Variants in NFASC observed in about 807,000 individuals in gnomAD.
NFASC encodes the protein neurofascin.
A neutral mutation model predicts 147.5 loss-of-function variants in NFASC; 43 were observed. The ratio of observed to expected loss-of-function variants is 0.29; its 90% CI spans 0.23 to 0.38. The LOEUF is 0.38. Ranked by LOEUF, NFASC falls within the 10% of genes least tolerant of loss-of-function variation. The pLI, the probability that NFASC is intolerant of heterozygous loss-of-function variation, is 1.00. For missense variants in NFASC, 1,320 were observed against 1,689.0 expected (o/e 0.78, Z 3.83); for synonymous variants, 622 against 665.5 (o/e 0.93, Z 1.01).
chr1:204,950,777 G>T (rs531467306), intron 4 of NFASC, among the ~76,000 whole-genome samples: 1 of 152,146 alleles, frequency 6.6e-6, no homozygotes, highest in Non-Finnish European at 1.5e-5. Context: ...AGAAGGGCAC[G>T]TGGTAAGAAG....
chr1:204,838,418 A>G (rs1021971830), intron 1 of NFASC, among the ~76,000 whole-genome samples: 1 of 152,174 alleles, frequency 6.6e-6, no homozygotes, highest in African/African-American at 2.4e-5. Flanking sequence ...AGAAAGCCCC[A>G]TGCTGAATCC....
rs377168431 is a variant in NFASC at position 204,970,596 on chromosome 1, G to A, written c.1004-20G>A. On this transcript the variant is annotated intron_variant, in intron 10 of 29. Transcript: ENST00000339876. ...CCCATGCCATCTAACTCCCCTGCCTGTGTCTGTCTTGTCTTCCAGCTGCTC... is the reference window on the plus strand; with the variant it reads ...CCCATGCCATCTAACTCCCCTGCCTATGTCTGTCTTGTCTTCCAGCTGCTC... The A allele has an allele frequency of 6.2e-7, 1 of 1,613,362 alleles. No homozygotes were observed. Among genetic ancestry groups the A allele is most frequent in the Non-Finnish European group, 8.5e-7 (1 of 1,179,998 alleles).
rs1429246599 is a variant in NFASC, at chr1:204,978,994, G to C, written c.1903G>C (p.Glu635Gln). 6.4e-7 allele frequency: 1 copy of C among 1,560,948 alleles called. No individual in the cohort carries two copies. The highest frequency in any genetic ancestry group is 2.4e-5 in the East Asian group (1 of 41,788). ...ACGGCCAGACCGGCCCCGGGACCTGGAGCTGACCGACCTGGCCGAGAGGAG... is the reference window on the plus strand; with the variant it reads ...ACGGCCAGACCGGCCCCGGGACCTGCAGCTGACCGACCTGGCCGAGAGGAG... ...KGRPDRPRDL[E>Q]LTDLAERSVR... Residue 635 changes from glutamate to glutamine, a missense_variant, in exon 18 of 30, where the codon GAG becomes CAG. Around this residue, in one of 3 missense-constraint regions of NFASC, gnomAD observed 981 missense variants for 1,289.5 expected, o/e 0.76. Coordinates refer to ENST00000339876, the MANE Select transcript of NFASC (RefSeq NM_001005388.3).
At chr1:205,004,419 A>G (rs2096064016) in intron 27 of NFASC, among the ~76,000 whole-genome samples, 3 of 152,228 alleles carry the variant, frequency 2.0e-5, no homozygotes, top group African/African-American at 7.2e-5. Flanking sequence ...GCTCATCTTG[A>G]TAGCTTGCTT....
Position 204,830,020 on chromosome 1 carries a change from T to TGTGTGC in NFASC, c.-200+1243_-200+1244insCGTGTG, listed in dbSNP as rs1553367319. Among the ~76,000 whole-genome samples the TGTGTGC allele has an allele frequency of 5.9e-3, 862 of 146,416 alleles. 15 individuals carry two copies. The highest frequency in any genetic ancestry group is 0.02 in the African/African-American group (819 of 40,358). On this transcript the variant is annotated intron_variant, in intron 1 of 29. Coordinates refer to ENST00000339876, the MANE Select transcript of NFASC (RefSeq NM_001005388.3). ...TTTTGGCATGGGGTGTGTGTGTGTG[T>TGTGTGC]GTGTGTGTGTGTGTGTGTGTGTGTG...
intron 21 of NFASC, chr1:204,985,772 GC>G: frequency 1.6e-6 from 1 of 619,860 alleles, no homozygotes; most frequent in Non-Finnish European, 2.9e-6. Flanking sequence ...TGCTTCCTCA[GC>G]CTGGATAGGA....
intron 2 of NFASC, among the ~76,000 whole-genome samples, chr1:204,942,929 G>A (rs1480375659): frequency 6.6e-6 from 1 of 152,184 alleles, no homozygotes; most frequent in African/African-American, 2.4e-5. Flanking sequence ...TTTTGCTCCA[G>A]GTCTCCAGAA....
intron 1 of NFASC, among the ~76,000 whole-genome samples, chr1:204,891,663 C>T (rs1308858411): frequency 6.6e-6 from 1 of 152,180 alleles, no homozygotes. Flanking sequence ...ACCTCTATAG[C>T]ACTGTGGATG....
At chr1:204,875,276 C>T (rs1257342136) in intron 1 of NFASC, among the ~76,000 whole-genome samples, 1 of 152,112 alleles carries the variant, frequency 6.6e-6, no homozygotes, top group Non-Finnish European at 1.5e-5. Flanking sequence ...GGCTATGGGC[C>T]CTTCTCTCAT....
At position 204,950,702 on chromosome 1, in the gene NFASC, G is replaced by A. The variant is rs1050655954; in HGVS notation, c.109+128G>A. ...GGCCTCTTCATACCAGAGCCCTGTA[G>A]TGAGGTATCTTACTGCGGGGGAAGG... On this transcript the variant is annotated intron_variant, in intron 4 of 29. Transcript: ENST00000339876. The A allele has an allele frequency of 4.8e-6, 4 of 838,118 alleles. No individual in the cohort carries two copies. In the African/African-American group the frequency reaches 6.7e-5, roughly 14 times the overall value. The allele number at this position is 838,118 out of a possible 1,614,324, so 51.9% of individuals were successfully genotyped here.
At chr1:204,914,498 A>C (rs1318444837) in intron 1 of NFASC, among the ~76,000 whole-genome samples, 1 of 152,246 alleles carries the variant, frequency 6.6e-6, no homozygotes, top group Admixed American at 6.5e-5. Flanking sequence ...CTCCCCAGCC[A>C]TGCTGAACTG....
intron 8 of NFASC, among the ~76,000 whole-genome samples, chr1:204,964,533 A>G (rs2150165447): frequency 6.6e-6 from 1 of 152,344 alleles, no homozygotes; most frequent in East Asian, 1.9e-4. Flanking sequence ...ATAAGAAGAA[A>G]AGCTCCAACT....
At chr1:204,893,150 T>C (rs1201817171) in intron 1 of NFASC, among the ~76,000 whole-genome samples, 7 of 152,204 alleles carry the variant, frequency 4.6e-5, no homozygotes, top group Admixed American at 4.6e-4. Flanking sequence ...AAGCTGCTTT[T>C]CAAGTCTAGC....
chr1:204,981,686 C>A, intron 20 of NFASC, 112 bp from the exon 21 acceptor site: 1 of 633,714 alleles, frequency 1.6e-6, no homozygotes, highest in Non-Finnish European at 2.6e-6. Context: ...GGGGGCAGGC[C>A]AGTGTTGGGC....
At position 204,912,905 on chromosome 1, in the gene NFASC, A is replaced by G. The variant is rs115886990; in HGVS notation, c.-199-7727A>G. ...TAGCTAAGCGTGGTGGCACGTGCCT[A>G]TAATCCCAGCTACTCAGAAAGCTGA... On this transcript the variant is annotated intron_variant, in intron 1 of 29. Transcript: ENST00000339876. Among the ~76,000 whole-genome samples, 1,488 of 152,050 alleles carry G rather than the reference A, an allele frequency of 9.8e-3. 24 individuals are homozygous for G. Among genetic ancestry groups the G allele is most frequent in the African/African-American group, 0.034 (1,429 of 41,460 alleles).
intron 1 of NFASC, among the ~76,000 whole-genome samples, chr1:204,845,470 A>G (rs145003755): frequency 0.012 from 1,870 of 152,120 alleles, 19 homozygotes; most frequent in Non-Finnish European, 0.019. Context: ...AAAAATAATA[A>G]TAATAATAAA....
intron 1 of NFASC, among the ~76,000 whole-genome samples, chr1:204,897,030 T>C (rs987889428): frequency 6.6e-6 from 1 of 152,106 alleles, no homozygotes; most frequent in East Asian, 1.9e-4. Context: ...TGGAGCTTGT[T>C]AGAAATACTG....
chr1:204,982,063 C>A, intron 21 of NFASC, 43 bp downstream of exon 21: 1 of 1,344,874 alleles, frequency 7.4e-7, no homozygotes, highest in Non-Finnish European at 1.0e-6. Context: ...ACCCTTGTGG[C>A]TAGGTCGCAC....
intron 1 of NFASC, among the ~76,000 whole-genome samples, chr1:204,830,810 G>A (rs920968112): frequency 1.3e-5 from 2 of 152,206 alleles, no homozygotes; most frequent in Non-Finnish European, 2.9e-5. Flanking sequence ...AAATTGAGGC[G>A]TTAAGAGCGA....
Sources: gnomAD v4.1 joint callset for allele counts (sites outside exome capture counted in the v4.1 genomes callset) on GRCh38, gnomAD v4.1.1 for gene constraint, gnomAD v4.1.1 regional missense constraint, MANE v1.5 for transcripts, NCBI Gene and HGNC (gene_info 2026-07-23, HGNC 2026-07-21) for gene names.